KCNJ6: variants seen among roughly 807,000 people sequenced by gnomAD.
The protein encoded by KCNJ6 is G protein-activated inward rectifier potassium channel 2.
Under a neutral mutation model 34.2 loss-of-function variants are expected in KCNJ6, and 9 were observed. The observed-to-expected ratio is 0.26, with a 90% CI of 0.16 to 0.46. The LOEUF is 0.46. Among genes scored for constraint, KCNJ6 ranks in the 20% least tolerant of loss-of-function variants. KCNJ6 has a pLI of 1.00. For synonymous variants in KCNJ6, 196 were observed against 207.1 expected (o/e 0.95, Z 0.46); for missense variants, 236 against 531.3 (o/e 0.44, Z 5.46).
chr21:37,884,088 T>C (rs182775876), intron 1 of KCNJ6, among the ~76,000 whole-genome samples: 2 of 152,306 alleles, frequency 1.3e-5, no homozygotes, highest in Admixed American at 1.3e-4. Context: ...TCTAAAGCAA[T>C]GAAGTCACCT....
chr21:37,874,273 C>T (rs1026942984), intron 1 of KCNJ6, among the ~76,000 whole-genome samples: 5 of 152,222 alleles, frequency 3.3e-5, no homozygotes, highest in Admixed American at 3.3e-4. Flanking sequence ...TGGTCTCTCA[C>T]CAACTCCTCT....
At chr21:37,656,579 G>T (rs1348790437) in intron 3 of KCNJ6, among the ~76,000 whole-genome samples, 1 of 152,226 alleles carries the variant, frequency 6.6e-6, no homozygotes, top group Non-Finnish European at 1.5e-5. Context: ...CCATGGCTCT[G>T]CAGCCCTGCA....
intron 1 of KCNJ6, among the ~76,000 whole-genome samples, chr21:37,905,220 T>TTC (rs1568891482): frequency 6.6e-6 from 1 of 152,234 alleles, no homozygotes; most frequent in Non-Finnish European, 1.5e-5. Flanking sequence ...TGCTTAGGGC[T>TTC]TCTTGCCTTC....
chr21:37,683,347 G>T (rs2123420377), intron 3 of KCNJ6, among the ~76,000 whole-genome samples: 1 of 152,254 alleles, frequency 6.6e-6, no homozygotes, highest in South Asian at 2.1e-4. Flanking sequence ...CTTTCTGGAG[G>T]GATTTTCCAG....
intron 3 of KCNJ6, among the ~76,000 whole-genome samples, chr21:37,642,142 C>T (rs368879752): frequency 6.6e-6 from 1 of 152,142 alleles, no homozygotes; most frequent in South Asian, 2.1e-4. Flanking sequence ...CTCAGATCTA[C>T]AGAAGAGGCC....
At chr21:37,654,429 T>A (rs1432208637) in intron 3 of KCNJ6, among the ~76,000 whole-genome samples, 3 of 138,456 alleles carry the variant, frequency 2.2e-5, no homozygotes, top group Non-Finnish European at 4.7e-5. Flanking sequence ...AAAAAAAAAA[T>A]GTTTTGGCAT....
chr21:37,900,651 G>A (rs1291537559), intron 1 of KCNJ6, among the ~76,000 whole-genome samples: 2 of 152,156 alleles, frequency 1.3e-5, no homozygotes, highest in African/African-American at 4.8e-5. Flanking sequence ...GCTGAGAAGG[G>A]GCAATTCTGG....
At chr21:37,652,997 C>T (rs964019346) in intron 3 of KCNJ6, among the ~76,000 whole-genome samples, 1 of 152,132 alleles carries the variant, frequency 6.6e-6, no homozygotes, top group Non-Finnish European at 1.5e-5. Context: ...TACTGGGCAG[C>T]GTTGAAGGTC....
intron 1 of KCNJ6, among the ~76,000 whole-genome samples, chr21:37,845,959 A>G (rs1487739480): frequency 6.6e-6 from 1 of 152,210 alleles, no homozygotes; most frequent in African/African-American, 2.4e-5. Flanking sequence ...AAAGGCATTC[A>G]TAGACACATC....
chr21:37,760,952 T>C (rs567713770), intron 2 of KCNJ6, among the ~76,000 whole-genome samples: 47 of 151,968 alleles, frequency 3.1e-4, no homozygotes, highest in Non-Finnish European at 5.7e-4. Context: ...GAGAGGCACA[T>C]GTGGATGAGA....
At position 37,714,389 on chromosome 21, in the gene KCNJ6, G is replaced by A; in HGVS notation, c.768C>T (p.Asn256=). Residue 256 remains asparagine (N), a synonymous_variant, in exon 3 of 4, where the codon AAC becomes AAT. Coordinates refer to ENST00000609713, the MANE Select transcript of KCNJ6 (RefSeq NM_002240.5). The surrounding 1 kb of genome is among the most constrained non-coding windows in gnomAD (Gnocchi z 5.9). Reference sequence around the variant, plus strand: ...AATACCCTACGTTGATATCCGTCTGGTTCAACGGGATGAACTCCCCCTCCG... The same window carrying A: ...AATACCCTACGTTGATATCCGTCTGATTCAACGGGATGAACTCCCCCTCCG... The part of the protein sequence containing the change: ...QTSEGEFIPL[N]QTDINVGYYT... The A allele has an allele frequency of 6.2e-7, 1 of 1,614,128 alleles. No individual in the cohort carries two copies. The highest frequency in any genetic ancestry group is 8.5e-7 in the Non-Finnish European group (1 of 1,179,994).
intron 2 of KCNJ6, among the ~76,000 whole-genome samples, chr21:37,768,820 T>C (rs956367273): frequency 6.6e-6 from 1 of 152,192 alleles, no homozygotes; most frequent in African/African-American, 2.4e-5. Flanking sequence ...TGGTGCAAGA[T>C]GAAATAACAC....
intron 3 of KCNJ6, among the ~76,000 whole-genome samples, chr21:37,708,603 C>T (rs568191258): frequency 6.0e-3 from 57 of 9,464 alleles, no homozygotes; most frequent in Non-Finnish European, 9.1e-3. Flanking sequence ...AAAATCACTC[C>T]TTATAGAGAT....
rs2055258048 is a variant in KCNJ6 at position 37,799,281 on chromosome 21, T to C, written c.25+41377A>G. ...TCTCAATAAGGATGTTTTCAAAAAA[T>C]CACAGTGCTGCCTAGGAGGGGAAAT... is the stretch of plus-strand genomic sequence containing the variant. On this transcript the variant is annotated intron_variant, in intron 2 of 3. Coordinates refer to ENST00000609713, the MANE Select transcript of KCNJ6 (RefSeq NM_002240.5). Among the ~76,000 whole-genome samples the C allele has an allele frequency of 2.6e-5, 4 of 152,086 alleles. No homozygotes were observed. In the South Asian group the frequency reaches 8.3e-4, roughly 32 times the overall value.
chr21:37,655,214 TGTGTGTGTGTGAGAGAGA>T lies in KCNJ6; in HGVS notation c.947-29748_947-29731del, dbSNP rs2054454192. Among the ~76,000 whole-genome samples, 71 of 72,420 alleles carry T rather than the reference TGTGTGTGTGTGAGAGAGA, an allele frequency of 9.8e-4. 4 individuals are homozygous for T. Among genetic ancestry groups the T allele is most frequent in the East Asian group, 4.3e-3 (13 of 3,016 alleles). 47.5% of individuals were successfully genotyped at this position (72,420 alleles called of 152,430 possible). A position where few individuals can be genotyped will look rare whatever the true frequency, so the allele number is the denominator to read the frequency against. ...GTGTGTGTGTGTGTGTGTGTGTGTG[TGTGTGTGTGTGAGAGAGA>T]GAGAGAGAGAGAGAGAGAGAGAGAG... On this transcript the variant is annotated intron_variant, in intron 3 of 3. Coordinates refer to ENST00000609713, the MANE Select transcript of KCNJ6 (RefSeq NM_002240.5).
At position 37,612,796 on chromosome 21, in the gene KCNJ6, C is replaced by T. The variant is rs903207630; in HGVS notation, c.*12363G>A. On this transcript the variant is annotated 3_prime_UTR_variant, in exon 4 of 4. Coordinates refer to ENST00000609713, the MANE Select transcript of KCNJ6 (RefSeq NM_002240.5). ...CTTTTCACAAAAATTAACTCAAAAT[C>T]GGTCACAGATCTAATGTAAAATGCA... is the stretch of plus-strand genomic sequence containing the variant. 2 of 148,638 alleles carry T rather than the reference C, an allele frequency of 1.3e-5. No individual in the cohort carries two copies. Among genetic ancestry groups the T allele is most frequent in the Non-Finnish European group, 3.0e-5 (2 of 67,452 alleles). 9.2% of individuals were successfully genotyped at this position (148,638 alleles called of 1,614,324 possible). A position where few individuals can be genotyped will look rare whatever the true frequency, so the allele number is the denominator to read the frequency against.
intron 2 of KCNJ6, among the ~76,000 whole-genome samples, chr21:37,717,727 G>C (rs1413713280): frequency 6.6e-6 from 1 of 152,228 alleles, no homozygotes; most frequent in South Asian, 2.1e-4. Context: ...CGTCTTGACC[G>C]CTGGGAGGCT....
intron 2 of KCNJ6, among the ~76,000 whole-genome samples, chr21:37,784,030 T>C (rs1054413540): frequency 6.6e-6 from 1 of 152,204 alleles, no homozygotes; most frequent in Non-Finnish European, 1.5e-5. Context: ...TGTCTGTTGT[T>C]TTAGCCACTC....
At position 37,617,664 on chromosome 21, in the gene KCNJ6, C is replaced by G. The variant is rs2054277353; in HGVS notation, c.*7495G>C. The G allele has an allele frequency of 6.6e-6, 1 of 152,160 alleles. No individual in the cohort carries two copies. The highest frequency in any genetic ancestry group is 1.5e-5 in the Non-Finnish European group (1 of 68,040). The allele number at this position is 152,160 out of a possible 1,614,324, so 9.4% of individuals were successfully genotyped here. On this transcript the variant is annotated 3_prime_UTR_variant, in exon 4 of 4. Coordinates refer to ENST00000609713, the MANE Select transcript of KCNJ6 (RefSeq NM_002240.5). ...ATTGGCCCGATGACTGAGTCTGTGCCCACGGCATCGTGATACCAAAACGTG... is the reference window on the plus strand; with the variant it reads ...ATTGGCCCGATGACTGAGTCTGTGCGCACGGCATCGTGATACCAAAACGTG...
Sources: allele counts gnomAD v4.1 joint callset (sites outside exome capture counted in the v4.1 genomes callset), GRCh38; gene constraint gnomAD v4.1.1; non-coding constraint Gnocchi (gnomAD v3.1); transcripts MANE v1.5; gene names NCBI Gene and HGNC (gene_info 2026-07-23, HGNC 2026-07-21).